The following POC1B variants were observed in gnomAD, a reference collection of about 807,000 sequenced individuals.
POC1B encodes POC1 centriolar protein B.
In POC1B, 44 loss-of-function variants were observed where a neutral mutation model predicts 60.6. That is an observed-to-expected ratio of 0.73 (90% CI 0.57 to 0.93). The LOEUF is 0.93. Ranked by LOEUF, POC1B falls within the 40% of genes least tolerant of loss-of-function variation. The pLI, the probability that POC1B is intolerant of heterozygous loss-of-function variation, is 0.00. For synonymous variants in POC1B, 180 were observed against 198.9 expected, an observed-to-expected ratio of 0.90 and a Z score of 0.80; for missense variants, 555 against 572.3, an observed-to-expected ratio of 0.97 and a Z score of 0.31.
intron 9 of POC1B, chr12:89,460,120 G>A (rs1882430027): frequency 2.9e-5 from 8 of 273,890 alleles, no homozygotes; most frequent in South Asian, 2.4e-4. Flanking sequence ...CATATATAAT[G>A]TTATCTAGAA....
Position 89,420,112 on chromosome 12 carries a change from T to C in POC1B, c.*1041A>G, listed in dbSNP as rs1442908237. ...TACAGGTTGATAATCAAGCTGAAAT[T>C]AATTTGCTTGCTTTTCTTCAATTTA... is the stretch of plus-strand genomic sequence containing the variant. On this transcript the variant is annotated 3_prime_UTR_variant, in exon 12 of 12. Transcript: ENST00000313546. 6.6e-6 allele frequency: 1 copy of C among 152,244 alleles called. No homozygotes were observed. The highest frequency in any genetic ancestry group is 1.5e-5 in the Non-Finnish European group (1 of 68,034). 9.4% of individuals were successfully genotyped at this position (152,244 alleles called of 1,614,324 possible).
intron 11 of POC1B, among the ~76,000 whole-genome samples, chr12:89,423,879 C>T (rs1309818572): frequency 6.6e-6 from 1 of 152,108 alleles, no homozygotes; most frequent in African/African-American, 2.4e-5. Context: ...GGATTCACTT[C>T]GGAGGGACCC....
chr12:89,424,512 T>C (rs770373), intron 11 of POC1B, among the ~76,000 whole-genome samples: 100,218 of 151,968 alleles, frequency 0.66, 33,509 homozygotes, highest in East Asian at 0.92. Context: ...ATATTAGTAT[T>C]TAGTATTCTC....
chr12:89,501,815 T>C (rs886647511), intron 2 of POC1B: 59 of 1,145,152 alleles, frequency 5.2e-5, no homozygotes, highest in Middle Eastern at 2.1e-4. Flanking sequence ...TCTAAGAATA[T>C]TGGGAAAAAA....
chr12:89,439,928 C>T (rs1881439164), intron 10 of POC1B, among the ~76,000 whole-genome samples: 1 of 152,114 alleles, frequency 6.6e-6, no homozygotes, highest in South Asian at 2.1e-4. Context: ...TTTTAGATCT[C>T]AGCTCAAATA....
At chr12:89,426,657 C>T (rs997074554) in intron 10 of POC1B, 2 of 151,800 alleles carry the variant, frequency 1.3e-5, no homozygotes, top group African/African-American at 4.8e-5. Context: ...GTGAAAGTCT[C>T]TACTAAAAAT....
intron 9 of POC1B, among the ~76,000 whole-genome samples, chr12:89,465,369 C>T (rs77725958): frequency 0.012 from 1,820 of 152,204 alleles, 36 homozygotes; most frequent in African/African-American, 0.042. Flanking sequence ...AAAGCAGTCT[C>T]GGGATCAGCC....
intron 4 of POC1B, among the ~76,000 whole-genome samples, chr12:89,473,942 T>C (rs1468061560): frequency 3.3e-5 from 5 of 151,972 alleles, no homozygotes; most frequent in Admixed American, 3.3e-4. Flanking sequence ...CGGTGGCTCA[T>C]GCCTGTAATC....
At chr12:89,471,764 A>ATTTTT (rs754971432) in intron 5 of POC1B, 35 bp from the exon 6 acceptor site, 1 of 1,097,596 alleles carries the variant, frequency 9.1e-7, no homozygotes. Flanking sequence ...TAATATTTCA[A>ATTTTT]TTTCTTTTTT....
At chr12:89,440,599 G>A (rs1881469753) in intron 10 of POC1B, among the ~76,000 whole-genome samples, 7 of 152,154 alleles carry the variant, frequency 4.6e-5, no homozygotes, top group Admixed American at 3.3e-4. Flanking sequence ...TTTTCAGCCT[G>A]ACCAATATGG....
Position 89,459,672 on chromosome 12 carries a change from G to C in POC1B, c.1079C>G (p.Pro360Arg), listed in dbSNP as rs1882408199. 2 of 1,531,202 alleles carry C rather than the reference G, an allele frequency of 1.3e-6. No individual in the cohort carries two copies. Among genetic ancestry groups the C allele is most frequent in the Non-Finnish European group, 8.8e-7 (1 of 1,139,340 alleles). 94.9% of individuals were successfully genotyped at this position (1,531,202 alleles called of 1,614,324 possible). ...ATCAAAAGAAAGGATATCCATAACAGGGGGAGTAGAGATCTGCAAATCGAT... is the reference window on the plus strand; with the variant it reads ...ATCAAAAGAAAGGATATCCATAACACGGGGAGTAGAGATCTGCAAATCGAT... ...EVIDLQISTP[P>R]VMDILSFDST... The change falls in exon 10 of 12, where the codon CCT becomes CGT. Residue 360 changes from proline to arginine, a missense_variant. By Grantham distance (103) the Pro-to-Arg change is moderately radical (BLOSUM62 -2). Coordinates refer to ENST00000313546, the MANE Select transcript of POC1B (RefSeq NM_172240.3).
chr12:89,440,470 G>A (rs950320894), intron 10 of POC1B, among the ~76,000 whole-genome samples: 1 of 152,208 alleles, frequency 6.6e-6, no homozygotes, highest in Non-Finnish European at 1.5e-5. Flanking sequence ...ATGGCTGGGG[G>A]AAGGATGAAG....
At chr12:89,401,773 T>C in the POC1B span, among the ~76,000 whole-genome samples, 179 of 152,384 alleles carry the variant, frequency 1.2e-3, no homozygotes, top group Admixed American at 2.3e-3. Flanking sequence ...ATTATGACAC[T>C]TGCAGTAATT....
In POC1B at chr12:89,526,020, C is replaced by G. The variant is rs1462206216; in HGVS notation, c.-125G>C. The stretch of plus-strand genomic sequence containing the variant: ...GTCTGCCCAGAGCGGCAGCGCCTCC[C>G]GGTCACTACAACAACGGCGGCCCAG... On this transcript the variant is annotated 5_prime_UTR_variant, in exon 1 of 12. Coordinates refer to ENST00000313546, the MANE Select transcript of POC1B (RefSeq NM_172240.3). The G allele has an allele frequency of 3.3e-6, 5 of 1,537,394 alleles. No individual in the cohort carries two copies. Among genetic ancestry groups the G allele is most frequent in the South Asian group, 1.2e-5 (1 of 83,860 alleles).
At position 89,526,030 on chromosome 12, in the gene POC1B, A is replaced by G. The variant is rs1397699394; in HGVS notation, c.-135T>C. The G allele has an allele frequency of 8.5e-6, 13 of 1,535,630 alleles. No homozygotes were observed. In the East Asian group the frequency reaches 1.7e-4, roughly 20 times the overall value. Reference sequence around the variant, plus strand: ...AGCGGCAGCGCCTCCCGGTCACTACAACAACGGCGGCCCAGTCAAACCCCG... The same window carrying G: ...AGCGGCAGCGCCTCCCGGTCACTACGACAACGGCGGCCCAGTCAAACCCCG... On this transcript the variant is annotated 5_prime_UTR_variant, in exon 1 of 12. Coordinates refer to ENST00000313546, the MANE Select transcript of POC1B (RefSeq NM_172240.3).
intron 6 of POC1B, among the ~76,000 whole-genome samples, chr12:89,471,377 ACTT>A (rs947657484): frequency 6.6e-6 from 1 of 152,094 alleles, no homozygotes; most frequent in Admixed American, 6.6e-5. Flanking sequence ...TCTCATAGCA[ACTT>A]CTTTTTTTTT....
chr12:89,403,849 T>C, the POC1B span, among the ~76,000 whole-genome samples: 7 of 151,978 alleles, frequency 4.6e-5, no homozygotes, highest in Admixed American at 3.3e-4. Flanking sequence ...ATAAAAAATG[T>C]TGGCCGGGCG....
chr12:89,426,008 C>T (rs1465805742), intron 10 of POC1B: 2 of 152,124 alleles, frequency 1.3e-5, no homozygotes, highest in Non-Finnish European at 2.9e-5. Flanking sequence ...GATAGATGAA[C>T]GTATACACAA....
intron 2 of POC1B, among the ~76,000 whole-genome samples, chr12:89,510,146 G>C (rs904876938): frequency 2.0e-5 from 3 of 152,140 alleles, no homozygotes; most frequent in Non-Finnish European, 4.4e-5. Context: ...ACCACGCCCA[G>C]CCTGTTTCGT....
Sources: gnomAD v4.1 joint callset for allele counts (sites outside exome capture counted in the v4.1 genomes callset) on GRCh38, gnomAD v4.1.1 for gene constraint, MANE v1.5 for transcripts, NCBI Gene and HGNC (gene_info 2026-07-23, HGNC 2026-07-21) for gene names.